Variants in MID1 observed in about 807,000 individuals in gnomAD.
The protein encoded by MID1 is E3 ubiquitin-protein ligase Midline-1.
Under a neutral mutation model 40.4 loss-of-function variants are expected in MID1, and 7 were observed. The ratio of observed to expected loss-of-function variants is 0.17; its 90% CI spans 0.10 to 0.33. The LOEUF is 0.33. MID1 is among the 10% of genes least tolerant of loss of function. The pLI is 1.00. For missense variants in MID1, 367 were observed against 558.5 expected (o/e 0.66, Z 3.46); for synonymous variants, 229 against 221.2 (o/e 1.04, Z -0.31).
intron 1 of MID1, among the ~76,000 whole-genome samples, chrX:10,673,910 T>C (rs61520399): frequency 0.16 from 17,716 of 111,044 alleles, 2,327 homozygotes; most frequent in African/African-American, 0.44. Context: ...GTCTGGTATA[T>C]GGTGGATTCA....
chrX:10,800,866 A>T (rs1406086050), intron 1 of MID1, among the ~76,000 whole-genome samples: 1 of 111,902 alleles, frequency 8.9e-6, no homozygotes, highest in Non-Finnish European at 1.9e-5. Context: ...GAGTGACAGG[A>T]GTTTTAGAAA....
intron 1 of MID1, among the ~76,000 whole-genome samples, chrX:10,665,862 A>G (rs2042946484): frequency 9.0e-6 from 1 of 110,590 alleles, no homozygotes; most frequent in Non-Finnish European, 1.9e-5. Context: ...CCTGATGTTT[A>G]TTATATCCAT....
chrX:10,505,196 G>T, intron 3 of MID1: 1 of 212,150 alleles, frequency 4.7e-6, no homozygotes, highest in Non-Finnish European at 6.9e-6. Context: ...CATACTTGCG[G>T]TATGGTTTTC....
At chrX:10,708,156 C>T (rs2043243796) in intron 1 of MID1, among the ~76,000 whole-genome samples, 1 of 112,548 alleles carries the variant, frequency 8.9e-6, no homozygotes, top group Non-Finnish European at 1.9e-5. Context: ...ATATTAGGTT[C>T]TGTTTTTCTG....
At chrX:10,663,631 C>T (rs780454481) in intron 1 of MID1, among the ~76,000 whole-genome samples, 1 of 111,039 alleles carries the variant, frequency 9.0e-6, no homozygotes, top group Admixed American at 9.6e-5. Context: ...AATCCTCAAC[C>T]TCACCATTCA....
At position 10,678,753 on chromosome X, in the gene MID1, T is replaced by C. The variant is rs1439107848; in HGVS notation, c.-186-58334A>G. Among the ~76,000 whole-genome samples, 4 of 112,028 alleles carry C rather than the reference T, an allele frequency of 3.6e-5. No individual in the cohort carries two copies. In the Admixed American group the frequency reaches 3.8e-4, roughly 11 times the overall value. ...AGGTTATGAAACAAAAGGAGACATA[T>C]AATTAGTCTTTAAATGCATGGAAAG... On this transcript the variant is annotated intron_variant, in intron 1 of 10. Transcript: ENST00000380785.
chrX:10,516,605 TGTGTGCGC>T (rs1427030760), intron 3 of MID1, among the ~76,000 whole-genome samples: 1,671 of 62,122 alleles, frequency 0.027, 56 homozygotes, highest in African/African-American at 0.13. Context: ...TGTGTGTGTG[TGTGTGCGC>T]GCGCGCACGC....
At chrX:10,455,323 CTG>C in intron 8 of MID1, among the ~76,000 whole-genome samples, 1 of 111,926 alleles carries the variant, frequency 8.9e-6, no homozygotes, top group South Asian at 3.7e-4. Context: ...AGCAGCAACT[CTG>C]TGTATAGTAC....
rs183195210 is a variant in MID1, at chrX:10,802,160, G to A, written c.-187+31394C>T. ...TCACGCCATTGCACTCCAGCCTGGC[G>A]AAAGAGCAAGACTCCATCTCAAAAA... On this transcript the variant is annotated intron_variant, in intron 1 of 10. Coordinates refer to the MID1 transcript ENST00000380785. 3.9e-3 allele frequency among the ~76,000 whole-genome samples: 431 copies of A among 111,265 alleles called. 4 individuals are homozygous for A. Among genetic ancestry groups the A allele is most frequent in the African/African-American group, 0.013 (408 of 30,607 alleles).
intron 1 of MID1, among the ~76,000 whole-genome samples, chrX:10,688,105 C>G (rs2043111290): frequency 9.0e-6 from 1 of 111,599 alleles, no homozygotes; most frequent in Non-Finnish European, 1.9e-5. Flanking sequence ...AGTGATCTTC[C>G]TACCTCAGCC....
chrX:10,669,571 C>G (rs1195481913), intron 1 of MID1, among the ~76,000 whole-genome samples: 1 of 111,857 alleles, frequency 8.9e-6, no homozygotes. Flanking sequence ...TGGGTGAAGT[C>G]AGAGTGCTGT....
At chrX:10,610,848 G>A (rs1047773196) in intron 1 of MID1, among the ~76,000 whole-genome samples, 4 of 111,510 alleles carry the variant, frequency 3.6e-5, no homozygotes, top group Admixed American at 9.5e-5. Flanking sequence ...GAAGCCCCCT[G>A]GGATCACACA....
intron 1 of MID1, among the ~76,000 whole-genome samples, chrX:10,676,173 T>C (rs992104473): frequency 1.8e-5 from 2 of 112,626 alleles, no homozygotes; most frequent in African/African-American, 6.4e-5. Context: ...CAAATTGAGA[T>C]AGAAATGCTT....
chrX:10,599,424 T>C (rs1402479684), intron 1 of MID1, among the ~76,000 whole-genome samples: 1 of 112,281 alleles, frequency 8.9e-6, no homozygotes, highest in East Asian at 2.8e-4. Context: ...AGAAGAAAAG[T>C]GAAAGTCTGA....
At chrX:10,790,323 A>T (rs1475883897) in intron 1 of MID1, among the ~76,000 whole-genome samples, 1 of 107,669 alleles carries the variant, frequency 9.3e-6, no homozygotes, top group Admixed American at 1.0e-4. Flanking sequence ...TTTATTTTTA[A>T]TTTTTTGTAG....
chrX:10,481,684 G>C (rs1930336955), intron 5 of MID1, among the ~76,000 whole-genome samples: 1 of 111,498 alleles, frequency 9.0e-6, no homozygotes, highest in Non-Finnish European at 1.9e-5. Flanking sequence ...GACCTCAGGT[G>C]ATCCACCCGC....
chrX:10,522,307 A>G (rs1932750767), intron 3 of MID1, among the ~76,000 whole-genome samples: 1 of 112,189 alleles, frequency 8.9e-6, no homozygotes, highest in Admixed American at 9.4e-5. Context: ...AGGAACTCCA[A>G]GAATTGCCTG....
At chrX:10,475,348 T>C (rs1438586538) in intron 5 of MID1, among the ~76,000 whole-genome samples, 1 of 112,520 alleles carries the variant, frequency 8.9e-6, no homozygotes, top group African/African-American at 3.2e-5. Context: ...TTGCACCATA[T>C]TCCCAGCAGA....
chrX:10,817,003 C>T (rs1196082889), intron 1 of MID1, among the ~76,000 whole-genome samples: 1 of 111,919 alleles, frequency 8.9e-6, no homozygotes, highest in Non-Finnish European at 1.9e-5. Context: ...TTAGATGATC[C>T]AAATTCCGAC....
Sources: allele counts gnomAD v4.1 joint callset (sites outside exome capture counted in the v4.1 genomes callset), GRCh38; gene constraint gnomAD v4.1.1; transcripts MANE v1.5; gene names NCBI Gene and HGNC (gene_info 2026-07-23, HGNC 2026-07-21).